PKD2L1: variants seen among roughly 807,000 people sequenced by gnomAD.
The protein encoded by PKD2L1 is polycystin-2-like protein 1.
A neutral mutation model predicts 93.0 loss-of-function variants in PKD2L1; 77 were observed. The observed-to-expected ratio is 0.83, with a 90% CI of 0.69 to 1.00. The LOEUF (loss-of-function observed/expected upper bound fraction) is 1.00, where lower values mean the gene tolerates loss of function less well. PKD2L1 is among the 50% of genes least tolerant of loss of function. The pLI is 0.00. For missense variants in PKD2L1, 977 were observed against 990.9 expected (o/e 0.99, Z 0.19); for synonymous variants, 390 against 388.0 (o/e 1.01, Z -0.06).
chr10:100,308,041 A>G (rs1589672258), intron 2 of PKD2L1, among the ~76,000 whole-genome samples: 3 of 152,326 alleles, frequency 2.0e-5, no homozygotes, highest in South Asian at 4.1e-4. Context: ...TGATAACTAC[A>G]TGAGAATGTG....
Position 100,294,928 on chromosome 10 carries a change from G to T in PKD2L1, c.1538+14C>A. 1 of 1,606,708 alleles carries T rather than the reference G, an allele frequency of 6.2e-7. No individual in the cohort carries two copies. Among genetic ancestry groups the T allele is most frequent in the South Asian group, 1.1e-5 (1 of 90,270 alleles). ...TGAGGGGCCAGGGAGGAGTGAAGGG[G>T]ACAGGACACACACATGCACTTGATG... On this transcript the variant is annotated intron_variant, in intron 8 of 15. Coordinates refer to ENST00000318222, the MANE Select transcript of PKD2L1 (RefSeq NM_016112.3).
intron 2 of PKD2L1, among the ~76,000 whole-genome samples, chr10:100,326,588 T>C (rs181331588): frequency 2.0e-5 from 3 of 152,334 alleles, no homozygotes; most frequent in African/African-American, 7.2e-5. Flanking sequence ...CGTGGCATAT[T>C]TTGTCCAGTG....
At position 100,288,476 on chromosome 10, in the gene PKD2L1, C is replaced by T; in HGVS notation, c.2338G>A (p.Val780Ile). ...WGVQGGQESEVPYKREEEALE... is the reference protein window; with the variant it reads ...WGVQGGQESEIPYKREEEALE... ...GCTTCCTCTTCTCTTTTATAGGGAA[C>T]CTCTGTGGGGGAAAACGAGAAACCC... Residue 780 changes from valine (V) to isoleucine (I), a missense_variant and splice_region_variant, in exon 16 of 16, where the codon GTT becomes ATT. Physicochemically the swap from Val to Ile is conservative, Grantham distance 29 (BLOSUM62 3). Coordinates refer to ENST00000318222, the MANE Select transcript of PKD2L1 (RefSeq NM_016112.3). The T allele has an allele frequency of 6.2e-7, 1 of 1,601,986 alleles. No individual in the cohort carries two copies. Among genetic ancestry groups the T allele is most frequent in the Non-Finnish European group, 8.6e-7 (1 of 1,168,896 alleles).
chr10:100,305,219 C>A (rs1156539754), intron 2 of PKD2L1, among the ~76,000 whole-genome samples: 2 of 151,026 alleles, frequency 1.3e-5, no homozygotes, highest in Non-Finnish European at 2.9e-5. Flanking sequence ...TCAAGCTATT[C>A]TCCTGCCTCA....
At chr10:100,302,252 C>T (rs992073293) in intron 2 of PKD2L1, among the ~76,000 whole-genome samples, 5 of 63,310 alleles carry the variant, frequency 7.9e-5, no homozygotes, top group Admixed American at 2.7e-4. Context: ...CACACACACA[C>T]GCATACACAC....
At chr10:100,300,757 C>T (rs895368252) in intron 2 of PKD2L1, among the ~76,000 whole-genome samples, 5 of 152,154 alleles carry the variant, frequency 3.3e-5, no homozygotes, top group African/African-American at 1.2e-4. Flanking sequence ...CGTAAAATTA[C>T]TGTTTTTCTT....
At position 100,330,117 on chromosome 10, in the gene PKD2L1, G is replaced by T. The variant is rs762872801; in HGVS notation, c.-14C>A. 6.0e-6 allele frequency: 9 copies of T among 1,504,736 alleles called. No individual in the cohort carries two copies. The highest frequency in any genetic ancestry group is 1.4e-5 in the African/African-American group (1 of 72,392). 93.2% of individuals were successfully genotyped at this position (1,504,736 alleles called of 1,614,324 possible). A position where few individuals can be genotyped will look rare whatever the true frequency, so the allele number is the denominator to read the frequency against. Reference sequence around the variant, plus strand: ...CACAGCATTCATGGGGAATGAGGTGGGGGGGCCCGGTACCCCAGGTGCCCA... The same window carrying T: ...CACAGCATTCATGGGGAATGAGGTGTGGGGGCCCGGTACCCCAGGTGCCCA... On this transcript the variant is annotated 5_prime_UTR_variant, in exon 1 of 16. Coordinates refer to ENST00000318222, the MANE Select transcript of PKD2L1 (RefSeq NM_016112.3).
At position 100,317,804 on chromosome 10, in the gene PKD2L1, G is replaced by A. The variant is rs1849133398; in HGVS notation, c.349+11407C>T. ...CCTTTGAAAAAGATTGCTGTGGCCG[G>A]GCATGGTGCCTCACACCTGTAATCC... On this transcript the variant is annotated intron_variant, in intron 2 of 15. Transcript: ENST00000318222. Among the ~76,000 whole-genome samples, 10 of 151,674 alleles carry A rather than the reference G, an allele frequency of 6.6e-5. No homozygotes were observed. The South Asian group carries it at 2.1e-3, about 32-fold the overall frequency.
At chr10:100,297,752 T>G in intron 4 of PKD2L1, 146 bp from the exon 5 acceptor site, 1 of 551,392 alleles carries the variant, frequency 1.8e-6, no homozygotes, top group Non-Finnish European at 3.2e-6. Flanking sequence ...GTGTATGAGA[T>G]ATGTGATATA....
intron 4 of PKD2L1, 60 bp downstream of exon 4, chr10:100,298,502 G>A: frequency 6.4e-7 from 1 of 1,566,240 alleles, no homozygotes; most frequent in Non-Finnish European, 8.7e-7. Flanking sequence ...CCCAGACCTT[G>A]GGATGGTGTC....
chr10:100,318,073 C>T lies in PKD2L1; in HGVS notation c.349+11138G>A, dbSNP rs146048157. On this transcript the variant is annotated intron_variant, in intron 2 of 15. Coordinates refer to ENST00000318222, the MANE Select transcript of PKD2L1 (RefSeq NM_016112.3). ...CCAGCCTGGGCGATAGAGCAAGACT[C>T]TGTCTCAAACAAAAAAAAAAAAGAG... 7.6e-3 allele frequency among the ~76,000 whole-genome samples: 1,158 copies of T among 151,630 alleles called. 21 individuals carry two copies. The highest frequency in any genetic ancestry group is 0.027 in the African/African-American group (1,099 of 41,246).
intron 2 of PKD2L1, among the ~76,000 whole-genome samples, chr10:100,309,410 T>A (rs898414217): frequency 7.2e-5 from 10 of 138,114 alleles, no homozygotes; most frequent in South Asian, 4.2e-4. Context: ...ATTAAAAAAA[T>A]TTTTTGTCTG....
In PKD2L1 at chr10:100,296,834, C is replaced by G. The variant is rs377121057; in HGVS notation, c.1185+146G>C. On this transcript the variant is annotated intron_variant, in intron 6 of 15. Coordinates refer to ENST00000318222, the MANE Select transcript of PKD2L1 (RefSeq NM_016112.3). Reference sequence around the variant, plus strand: ...GGCTGAGAGAGGGGAACATGTCCCTCTCACTTAGGGAGCTGTTAAATGATG... The same window carrying G: ...GGCTGAGAGAGGGGAACATGTCCCTGTCACTTAGGGAGCTGTTAAATGATG... The G allele has an allele frequency of 2.3e-5, 14 of 612,222 alleles. No homozygotes were observed. In the Middle Eastern group the frequency reaches 1.8e-3, roughly 77 times the overall value. The allele number at this position is 612,222 out of a possible 1,614,324, so 37.9% of individuals were successfully genotyped here.
In PKD2L1 at chr10:100,312,912, G is replaced by A. The variant is rs552886574; in HGVS notation, c.350-13194C>T. 1.3e-4 allele frequency among the ~76,000 whole-genome samples: 20 copies of A among 151,492 alleles called. 1 individual carries two copies. The East Asian group carries it at 1.4e-3, about 10-fold the overall frequency. Reference sequence around the variant, plus strand: ...TGCTTCTGTGTGGCCCAGAAACCTCGAGACATAGCATGAACTTCAGTTAAT... The same window carrying A: ...TGCTTCTGTGTGGCCCAGAAACCTCAAGACATAGCATGAACTTCAGTTAAT... On this transcript the variant is annotated intron_variant, in intron 2 of 15. Coordinates refer to ENST00000318222, the MANE Select transcript of PKD2L1 (RefSeq NM_016112.3).
chr10:100,316,707 C>G (rs1849108513), intron 2 of PKD2L1, among the ~76,000 whole-genome samples: 1 of 152,228 alleles, frequency 6.6e-6, no homozygotes, highest in South Asian at 2.1e-4. Context: ...ATTTTGTTCT[C>G]AGAACCCCTT....
At position 100,297,464 on chromosome 10, in the gene PKD2L1, G is replaced by A. The variant is rs1848571298; in HGVS notation, c.874C>T (p.Leu292=). The A allele has an allele frequency of 3.1e-6, 5 of 1,614,044 alleles. No individual in the cohort carries two copies. Among genetic ancestry groups the A allele is most frequent in the African/African-American group, 1.3e-5 (1 of 74,936 alleles). The change falls in exon 5 of 16, where the codon CTG becomes TTG. Residue 292 remains leucine (L), a synonymous_variant. Coordinates refer to ENST00000318222, the MANE Select transcript of PKD2L1 (RefSeq NM_016112.3). ...AEALRALQEG[L]WLDRGTRVVF... ...ACTCGAGTGCCCCTGTCCAGCCACA[G>A]CCCCTCCTGAAGGGCCCGGAGAGCC...
At chr10:100,295,597 G>T (rs1319314637) in intron 7 of PKD2L1, among the ~76,000 whole-genome samples, 1 of 150,670 alleles carries the variant, frequency 6.6e-6, no homozygotes, top group Admixed American at 6.6e-5. Flanking sequence ...GCTGGGTGTG[G>T]TGGTGCATGC....
intron 2 of PKD2L1, among the ~76,000 whole-genome samples, chr10:100,316,820 T>C (rs1229576600): frequency 6.6e-6 from 1 of 152,182 alleles, no homozygotes; most frequent in Non-Finnish European, 1.5e-5. Flanking sequence ...GACACAGTGA[T>C]TCATGCCTGT....
chr10:100,302,324 A>G (rs1848701168), intron 2 of PKD2L1, among the ~76,000 whole-genome samples: 1 of 151,292 alleles, frequency 6.6e-6, no homozygotes, highest in South Asian at 2.1e-4. Flanking sequence ...TTTCTTCCCT[A>G]TGGGTTATAA....
Sources: allele counts gnomAD v4.1 joint callset (sites outside exome capture counted in the v4.1 genomes callset), GRCh38; gene constraint gnomAD v4.1.1; transcripts MANE v1.5; gene names NCBI Gene and HGNC (gene_info 2026-07-23, HGNC 2026-07-21).